SMARCA4: variants seen among roughly 807,000 people sequenced by gnomAD.
SMARCA4 encodes the protein SWI/SNF related BAF chromatin remodeling complex subunit ATPase 4, also known as SWI/SNF-related matrix-associated actin-dependent regulator of chromatin subfamily A member 4.
Under a neutral mutation model 193.9 loss-of-function variants are expected in SMARCA4, and 31 were observed. The observed-to-expected ratio is 0.16, with a 90% CI of 0.12 to 0.22. The LOEUF is 0.22. Ranked by LOEUF, SMARCA4 falls within the 10% of genes least tolerant of loss-of-function variation. The pLI is 1.00. For missense variants in SMARCA4, 1,148 were observed against 2,296.0 expected, an observed-to-expected ratio of 0.50 and a Z score of 10.22; for synonymous variants, 942 against 933.1, an observed-to-expected ratio of 1.01 and a Z score of -0.17.
At chr19:11,032,666 C>CAAA (rs553090305) in intron 25 of SMARCA4, 7 of 112,746 alleles carry the variant, frequency 6.2e-5, no homozygotes, top group South Asian at 4.9e-4. Flanking sequence ...GACTTTGTCT[C>CAAA]AAAAAAAAAA....
chr19:11,029,939 G>C (rs1669618132), intron 24 of SMARCA4, among the ~76,000 whole-genome samples: 1 of 152,138 alleles, frequency 6.6e-6, no homozygotes, highest in African/African-American at 2.4e-5. Context: ...GCCTCCCAAA[G>C]TGTTGGGATT....
intron 30 of SMARCA4, among the ~76,000 whole-genome samples, chr19:11,046,318 T>C (rs1292880657): frequency 6.6e-6 from 1 of 152,096 alleles, no homozygotes. Context: ...CTGGTAGAGA[T>C]TTTGAGACCT....
At position 11,041,243 on chromosome 19, in the gene SMARCA4, G is replaced by A. The variant is rs181761377; in HGVS notation, c.4171-64G>A. 11 of 1,541,228 alleles carry A rather than the reference G, an allele frequency of 7.1e-6. No homozygotes were observed. Among genetic ancestry groups the A allele is most frequent in the Admixed American group, 3.6e-5 (2 of 55,526 alleles). On this transcript the variant is annotated intron_variant, in intron 29 of 34. Coordinates refer to ENST00000344626, the MANE Select transcript of SMARCA4 (RefSeq NM_003072.5). The surrounding 1 kb of genome is among the most constrained non-coding windows in gnomAD (Gnocchi z 5.6). ...GTCCCAGCCCGGCCCCTGGGATTGC[G>A]TCGCGGCCTCTGCTTGTCGACCTGG...
At chr19:10,975,564 C>T (rs1258231873) in intron 1 of SMARCA4, among the ~76,000 whole-genome samples, 1 of 151,334 alleles carries the variant, frequency 6.6e-6, no homozygotes, top group African/African-American at 2.5e-5. Flanking sequence ...CCACCTTGGC[C>T]TCGCAAAGTG....
Position 10,986,707 on chromosome 19 carries a change from A to G in SMARCA4, c.760+114A>G. The G allele has an allele frequency of 1.4e-6, 2 of 1,445,712 alleles. No individual in the cohort carries two copies. The highest frequency in any genetic ancestry group is 1.9e-6 in the Non-Finnish European group (2 of 1,069,396). 89.6% of individuals were successfully genotyped at this position (1,445,712 alleles called of 1,614,324 possible). A position where few individuals can be genotyped will look rare whatever the true frequency, so the allele number is the denominator to read the frequency against. On this transcript the variant is annotated intron_variant, in intron 4 of 34. Transcript: ENST00000344626. This position sits in a 1 kb window ranked among gnomAD's most constrained non-coding sequence, Gnocchi z 6.7. ...ACTGGGTTCCCCGGTTTGGGATTGC[A>G]CGGGCCCATACTGCACTTCTGGGTG...
At chr19:11,048,517 T>C (rs1600532823) in intron 30 of SMARCA4, among the ~76,000 whole-genome samples, 1 of 152,224 alleles carries the variant, frequency 6.6e-6, no homozygotes, top group East Asian at 1.9e-4. Context: ...GTTCTAACAA[T>C]TCAAAGAGTG....
At position 10,987,336 on chromosome 19, in the gene SMARCA4, T is replaced by C. The variant is rs1203601065; in HGVS notation, c.860-330T>C. On this transcript the variant is annotated intron_variant, in intron 5 of 34. Transcript: ENST00000344626. The surrounding 1 kb of genome is among the most constrained non-coding windows in gnomAD (Gnocchi z 5.3). ...CCTCTTGGAGCCTGAGGTTTAGCGA[T>C]GGGCATTGAGGGGCAAATTGCTTCC... Among the ~76,000 whole-genome samples, 1 of 152,190 alleles carries C rather than the reference T, an allele frequency of 6.6e-6. No individual in the cohort carries two copies. The highest frequency in any genetic ancestry group is 1.9e-4 in the East Asian group (1 of 5,198).
At chr19:10,995,420 C>T (rs557055759) in intron 9 of SMARCA4, 1 of 462,226 alleles carries the variant, frequency 2.2e-6, no homozygotes, top group South Asian at 1.5e-5. Flanking sequence ...GACATGGCCC[C>T]TGCCTTTGTG....
In SMARCA4 at chr19:10,996,414, TG is replaced by T; in HGVS notation, c.1761+37del. On this transcript the variant is annotated intron_variant, in intron 10 of 34. Transcript: ENST00000344626. ...GGCCTGGCATGGTGCCCGCCGCGGG[TG>T]GGATGGGAGCAGCCGTCTTCACGTG... 1.9e-6 allele frequency: 3 copies of T among 1,613,274 alleles called. No homozygotes were observed. In the South Asian group the frequency reaches 3.3e-5, roughly 18 times the overall value.
rs990830725 is a variant in SMARCA4 at position 11,013,392 on chromosome 19, A to G, written c.2438+280A>G. Among the ~76,000 whole-genome samples, 6 of 152,260 alleles carry G rather than the reference A, an allele frequency of 3.9e-5. No homozygotes were observed. In the East Asian group the frequency reaches 9.7e-4, roughly 25 times the overall value. On this transcript the variant is annotated intron_variant, in intron 16 of 34. Coordinates refer to ENST00000344626, the MANE Select transcript of SMARCA4 (RefSeq NM_003072.5). ...CCTCATCTCTTCTTCTTAGAAGGAC[A>G]TGGGTCAGGTTGGATGAGGGTGCAT...
rs879760210 is a variant in SMARCA4, at chr19:11,031,552, T to TA, written c.3546+660dup. On this transcript the variant is annotated intron_variant, in intron 25 of 34. Transcript: ENST00000344626. The surrounding 1 kb of genome is among the most constrained non-coding windows in gnomAD (Gnocchi z 4.3). ...GCCAGCCCATCTGCCTTCGCACATG[T>TA]ATGTACTGAGATTAACACAGATGCG... 5.3e-4 allele frequency: 84 copies of TA among 158,548 alleles called. No individual in the cohort carries two copies. In the Middle Eastern group the frequency reaches 0.013, roughly 25 times the overall value. The allele number at this position is 158,548 out of a possible 1,614,324, so 9.8% of individuals were successfully genotyped here. A position where few individuals can be genotyped will look rare whatever the true frequency, so the allele number is the denominator to read the frequency against.
At chr19:10,989,940 G>A (rs1359606558) in intron 7 of SMARCA4, among the ~76,000 whole-genome samples, 4 of 151,630 alleles carry the variant, frequency 2.6e-5, no homozygotes, top group South Asian at 2.1e-4. Context: ...TCAAATGATC[G>A]GCCTGCCTTG....
chr19:11,035,617 C>G (rs556796407), intron 29 of SMARCA4, among the ~76,000 whole-genome samples: 2 of 152,356 alleles, frequency 1.3e-5, no homozygotes, highest in East Asian at 1.9e-4. Context: ...GAGGGCAAGC[C>G]CCCAAGGGCC....
rs926576126 is a variant in SMARCA4, at chr19:11,031,088, C to T, written c.3546+195C>T. ...CGGGGTCCTCCTGTTTCCCAAAATA[C>T]AAACAGCCTTTCCCTCTGATTGGGA... On this transcript the variant is annotated intron_variant, in intron 25 of 34. Transcript: ENST00000344626. The surrounding 1 kb of genome is among the most constrained non-coding windows in gnomAD (Gnocchi z 4.3). The T allele has an allele frequency of 1.6e-5, 10 of 639,018 alleles. No individual in the cohort carries two copies. The African/African-American group carries it at 1.8e-4, about 12-fold the overall frequency. The allele number at this position is 639,018 out of a possible 1,614,324, so 39.6% of individuals were successfully genotyped here.
intron 20 of SMARCA4, among the ~76,000 whole-genome samples, chr19:11,024,026 G>A (rs1268571517): frequency 2.0e-5 from 3 of 152,182 alleles, no homozygotes; most frequent in Non-Finnish European, 4.4e-5. Flanking sequence ...CATGGACTCG[G>A]GGTCCCCGGC....
chr19:10,996,410 C>T (rs1051129806), intron 10 of SMARCA4, 30 bp downstream of exon 10: 15 of 1,613,724 alleles, frequency 9.3e-6, no homozygotes, highest in African/African-American at 6.7e-5. Context: ...GTGCCCGCCG[C>T]GGGTGGGATG....
chr19:11,003,098 C>T lies in SMARCA4; in HGVS notation c.1882C>T (p.Leu628Phe), dbSNP rs1555768351. 6.2e-7 allele frequency: 1 copy of T among 1,614,140 alleles called. No homozygotes were observed. The highest frequency in any genetic ancestry group is 8.5e-7 in the Non-Finnish European group (1 of 1,180,028). The change falls in exon 12 of 35, where the codon CTC becomes TTC. Residue 628 changes from leucine to phenylalanine, a missense_variant. By Grantham distance (22) the Leu-to-Phe change is conservative. Coordinates refer to ENST00000344626, the MANE Select transcript of SMARCA4 (RefSeq NM_003072.5). ...GATCCACGTGGAGAGTGGGAAGATC[C>T]TCACAGGCACAGATGCCCCCAAAGC... The part of the protein sequence containing the change: ...KVIHVESGKI[L>F]TGTDAPKAGQ...
intron 30 of SMARCA4, among the ~76,000 whole-genome samples, chr19:11,057,357 G>A (rs896615769): frequency 6.6e-6 from 1 of 152,182 alleles, no homozygotes; most frequent in South Asian, 2.1e-4. Flanking sequence ...CATCACTGCC[G>A]CTGTACCGAG....
At chr19:11,057,200 C>T (rs890727401) in intron 30 of SMARCA4, among the ~76,000 whole-genome samples, 4 of 152,208 alleles carry the variant, frequency 2.6e-5, no homozygotes, top group African/African-American at 7.2e-5. Flanking sequence ...GTTTGCCATG[C>T]GTTCTCATTT....
Sources: allele counts gnomAD v4.1 joint callset (sites outside exome capture counted in the v4.1 genomes callset), GRCh38; gene constraint gnomAD v4.1.1; non-coding constraint Gnocchi (gnomAD v3.1); transcripts MANE v1.5; gene names NCBI Gene and HGNC (gene_info 2026-07-23, HGNC 2026-07-21).